Variants in SLC6A11 observed in about 807,000 individuals in gnomAD.
SLC6A11 encodes sodium- and chloride-dependent GABA transporter 3.
Under a neutral mutation model 74.8 loss-of-function variants are expected in SLC6A11, and 25 were observed. That is an observed-to-expected ratio of 0.33 (90% CI 0.24 to 0.47). The LOEUF is 0.47. Among genes scored for constraint, SLC6A11 ranks in the 20% least tolerant of loss-of-function variants. The pLI, the probability that SLC6A11 is intolerant of heterozygous loss-of-function variation, is 1.00. For synonymous variants in SLC6A11, 330 were observed against 330.2 expected, an observed-to-expected ratio of 1.00 and a Z score of 0.01; for missense variants, 574 against 837.0, an observed-to-expected ratio of 0.69 and a Z score of 3.88.
chr3:10,908,154 T>C (rs1695334751), intron 6 of SLC6A11, among the ~76,000 whole-genome samples: 1 of 152,184 alleles, frequency 6.6e-6, no homozygotes, highest in African/African-American at 2.4e-5. Context: ...GTAAAGGCTA[T>C]TATGTGATGG....
At chr3:10,820,239 G>C (rs993627375) in intron 3 of SLC6A11, among the ~76,000 whole-genome samples, 2 of 152,216 alleles carry the variant, frequency 1.3e-5, no homozygotes, top group African/African-American at 4.8e-5. Context: ...TAAAACTGAG[G>C]TTAGACCAGA....
intron 4 of SLC6A11, among the ~76,000 whole-genome samples, chr3:10,841,796 C>T (rs1375501301): frequency 6.6e-6 from 1 of 152,200 alleles, no homozygotes; most frequent in Non-Finnish European, 1.5e-5. Flanking sequence ...AACAAGAAGG[C>T]ACATGTCTGT....
At chr3:10,883,271 T>C (rs1352428158) in intron 6 of SLC6A11, among the ~76,000 whole-genome samples, 1 of 152,210 alleles carries the variant, frequency 6.6e-6, no homozygotes, top group Non-Finnish European at 1.5e-5. Context: ...GTGCTTCCAC[T>C]CCATTTTTTG....
At chr3:10,878,693 G>A (rs184184700) in intron 6 of SLC6A11, among the ~76,000 whole-genome samples, 5 of 151,770 alleles carry the variant, frequency 3.3e-5, no homozygotes, top group East Asian at 1.9e-4. Flanking sequence ...GATTACAGGC[G>A]TGATCCACCG....
intron 5 of SLC6A11, among the ~76,000 whole-genome samples, chr3:10,859,671 A>G (rs1694680599): frequency 6.6e-6 from 1 of 152,130 alleles, no homozygotes; most frequent in Admixed American, 6.5e-5. Flanking sequence ...ACTTTTTTCT[A>G]GGGTGAGGGT....
At chr3:10,928,645 G>A (rs1695642306) in intron 9 of SLC6A11, among the ~76,000 whole-genome samples, 1 of 152,182 alleles carries the variant, frequency 6.6e-6, no homozygotes, top group Non-Finnish European at 1.5e-5. Flanking sequence ...GAGACAAAGA[G>A]CTGGAAGTTG....
At chr3:10,903,440 C>T (rs1318457181) in intron 6 of SLC6A11, among the ~76,000 whole-genome samples, 3 of 152,200 alleles carry the variant, frequency 2.0e-5, no homozygotes, top group African/African-American at 7.2e-5. Context: ...CCACAAGTTG[C>T]TCCTCTCTGC....
intron 6 of SLC6A11, among the ~76,000 whole-genome samples, chr3:10,895,565 AG>A (rs1695160417): frequency 6.6e-6 from 1 of 152,218 alleles, no homozygotes; most frequent in South Asian, 2.1e-4. Flanking sequence ...ACATGGACAC[AG>A]GGAGGAAAAC....
intron 4 of SLC6A11, among the ~76,000 whole-genome samples, chr3:10,838,424 G>C (rs1694395058): frequency 6.6e-6 from 1 of 152,232 alleles, no homozygotes; most frequent in Non-Finnish European, 1.5e-5. Flanking sequence ...GCAGTGGGGA[G>C]TGTCAGCATC....
chr3:10,898,255 C>A (rs916510879), intron 6 of SLC6A11, among the ~76,000 whole-genome samples: 1 of 152,206 alleles, frequency 6.6e-6, no homozygotes. Flanking sequence ...GATTAACATT[C>A]GGCTCCTGGT....
At chr3:10,832,215 C>T (rs1449002058) in intron 4 of SLC6A11, among the ~76,000 whole-genome samples, 1 of 152,198 alleles carries the variant, frequency 6.6e-6, no homozygotes, top group Non-Finnish European at 1.5e-5. Flanking sequence ...CCGAGCAGCC[C>T]TGGTGCCCTG....
chr3:10,876,372 G>A (rs1694907063), intron 6 of SLC6A11, among the ~76,000 whole-genome samples: 1 of 152,220 alleles, frequency 6.6e-6, no homozygotes, highest in South Asian at 2.1e-4. Context: ...CAAAGGCTCA[G>A]TTGAAGGAGC....
intron 12 of SLC6A11, 146 bp downstream of exon 12, chr3:10,934,312 C>A: frequency 1.7e-6 from 1 of 587,854 alleles, no homozygotes. Flanking sequence ...TACAAAGCTG[C>A]ACCCATGGGC....
chr3:10,892,322 C>T (rs963711282), intron 6 of SLC6A11, among the ~76,000 whole-genome samples: 2 of 152,244 alleles, frequency 1.3e-5, no homozygotes, highest in South Asian at 4.1e-4. Flanking sequence ...TGCCTCCTTG[C>T]TTAGGGTCTC....
chr3:10,860,409 T>G (rs977146885), intron 5 of SLC6A11, among the ~76,000 whole-genome samples: 1 of 152,100 alleles, frequency 6.6e-6, no homozygotes. Flanking sequence ...ACTGATGGAA[T>G]TGAAGCTCTG....
At chr3:10,844,715 C>A (rs988164197) in intron 5 of SLC6A11, among the ~76,000 whole-genome samples, 1 of 152,158 alleles carries the variant, frequency 6.6e-6, no homozygotes, top group African/African-American at 2.4e-5. Flanking sequence ...TGTGTGAGGG[C>A]AGGTGATGCT....
intron 6 of SLC6A11, among the ~76,000 whole-genome samples, chr3:10,910,268 C>T (rs944748338): frequency 2.0e-5 from 3 of 152,140 alleles, no homozygotes; most frequent in Non-Finnish European, 2.9e-5. Flanking sequence ...GGCAGACCCA[C>T]GATAGAATGA....
Position 10,844,307 on chromosome 3 carries a change from T to C in SLC6A11, c.717T>C (p.Cys239=), listed in dbSNP as rs576929185. ...ALCLLAAWTI[C]YFCIWKGTKS... is the part of the protein sequence containing the mutation. The stretch of plus-strand genomic sequence containing the variant: ...GTCTCTTGGCAGCCTGGACCATCTG[T>C]TACTTCTGTATCTGGAAGGGGACCA... Residue 239 remains cysteine (C), a synonymous_variant, in exon 5 of 14, where the codon TGT becomes TGC. Transcript: ENST00000254488. The C allele has an allele frequency of 1.1e-4, 176 of 1,614,194 alleles. 1 individual carries two copies. In the South Asian group the frequency reaches 1.9e-3, roughly 17 times the overall value.
Position 10,926,064 on chromosome 3 carries a change from T to A in SLC6A11, c.1181T>A (p.Leu394Gln). The A allele has an allele frequency of 6.2e-7, 1 of 1,613,790 alleles. No homozygotes were observed. Among genetic ancestry groups the A allele is most frequent in the Non-Finnish European group, 8.5e-7 (1 of 1,179,756 alleles). The change falls in exon 9 of 14, where the codon CTG becomes CAG. Residue 394 changes from leucine to glutamine, a missense_variant. This residue lies in a region of SLC6A11 where 257 missense variants were observed against 341.5 expected (regional missense o/e 0.75). Coordinates refer to ENST00000254488, the MANE Select transcript of SLC6A11 (RefSeq NM_014229.3). This position sits in a 1 kb window ranked among gnomAD's most constrained non-coding sequence, Gnocchi z 5.7. ...KAVTMMPLSP[L>Q]WATLFFMMLI... is the part of the protein sequence containing the mutation. ...GTCACCATGATGCCTCTCTCCCCGC[T>A]GTGGGCCACCTTGTTCTTCATGATG...
Sources: allele counts gnomAD v4.1 joint callset (sites outside exome capture counted in the v4.1 genomes callset), GRCh38; gene constraint gnomAD v4.1.1; regional missense constraint gnomAD v4.1.1; non-coding constraint Gnocchi (gnomAD v3.1); transcripts MANE v1.5; gene names NCBI Gene and HGNC (gene_info 2026-07-23, HGNC 2026-07-21).